Variants in STRA6 observed in about 807,000 individuals in gnomAD.
The protein encoded by STRA6 is receptor for retinol uptake STRA6.
In STRA6, 48 loss-of-function variants were observed where a neutral mutation model predicts 83.6. The ratio of observed to expected loss-of-function variants is 0.57; its 90% CI spans 0.46 to 0.73. The LOEUF (loss-of-function observed/expected upper bound fraction) is 0.73, where lower values mean the gene tolerates loss of function less well. Among genes scored for constraint, STRA6 ranks in the 30% least tolerant of loss-of-function variants. STRA6 has a pLI of 0.00. For synonymous variants in STRA6, 353 were observed against 362.3 expected (o/e 0.97, Z 0.29); for missense variants, 760 against 838.8 (o/e 0.91, Z 1.16).
In STRA6 at chr15:74,196,952, A is replaced by G. The variant is rs764851793; in HGVS notation, c.266+386T>C. Among the ~76,000 whole-genome samples, 8 of 152,174 alleles carry G rather than the reference A, an allele frequency of 5.3e-5. No homozygotes were observed. In the South Asian group the frequency reaches 1.0e-3, roughly 20 times the overall value. ...AGGGGCTAGATGTCAGTCCCCATAA[A>G]TCTGCCTTCAAGCATTAGGGTCCAG... On this transcript the variant is annotated intron_variant, in intron 4 of 18. Coordinates refer to ENST00000395105, the MANE Select transcript of STRA6 (RefSeq NM_022369.4).
rs142998546 is a variant in STRA6, at chr15:74,185,450, C to T, written c.1091-395G>A. ...CCCATTTGCTCGTGAACATACCGCA[C>T]GCCGTTATGCTGCCCAGCTCTCAGG... On this transcript the variant is annotated intron_variant, in intron 12 of 18. Coordinates refer to ENST00000395105, the MANE Select transcript of STRA6 (RefSeq NM_022369.4). 3.2e-3 allele frequency among the ~76,000 whole-genome samples: 494 copies of T among 152,356 alleles called. 3 individuals carry two copies. Among genetic ancestry groups the T allele is most frequent in the African/African-American group, 0.011 (464 of 41,574 alleles).
chr15:74,203,950 AC>A (rs536988225), upstream of STRA6, among the ~76,000 whole-genome samples: 13 of 152,318 alleles, frequency 8.5e-5, no homozygotes, highest in South Asian at 2.7e-3. Flanking sequence ...AGGAAACAGC[AC>A]GGGTGAAGTC....
At position 74,202,300 on chromosome 15, in the gene STRA6, A is replaced by G; in HGVS notation, c.-15-18T>C. ...CCCTTCTCCTTTGACCCCAGGCGAG[A>G]GAAAAAAAAAGCCACTACAGATGTG... On this transcript the variant is annotated intron_variant, in intron 1 of 18. Transcript: ENST00000395105. The G allele has an allele frequency of 6.4e-7, 1 of 1,561,812 alleles. No individual in the cohort carries two copies.
In STRA6 at chr15:74,188,738, C is replaced by T. The variant is rs1201882305; in HGVS notation, c.1090+377G>A. Among the ~76,000 whole-genome samples the T allele has an allele frequency of 9.2e-5, 14 of 152,102 alleles. No homozygotes were observed. The highest frequency in any genetic ancestry group is 5.2e-4 in the Admixed American group (8 of 15,272). On this transcript the variant is annotated intron_variant, in intron 12 of 18. Transcript: ENST00000395105. The surrounding 1 kb of genome is among the most constrained non-coding windows in gnomAD (Gnocchi z 4.5). ...CCTGCCCAACGCCAGACCCCTGCCA[C>T]GAGGATTCGCTCAGAAATCCTCACC...
intron 3 of STRA6, 95 bp downstream of exon 3, chr15:74,197,657 A>C (rs1425859231): frequency 6.7e-7 from 1 of 1,490,506 alleles, no homozygotes; most frequent in Non-Finnish European, 9.2e-7. Context: ...AGGATCTTCC[A>C]GGGCCCCCCT....
upstream of STRA6, chr15:74,209,803 C>G (rs2074342931): frequency 4.5e-6 from 1 of 221,328 alleles, no homozygotes; most frequent in Non-Finnish European, 8.8e-6. Context: ...GGTGCTCCAC[C>G]TAGGTGCTGT....
At chr15:74,200,657 T>C (rs996973017) in intron 2 of STRA6, among the ~76,000 whole-genome samples, 1 of 152,164 alleles carries the variant, frequency 6.6e-6, no homozygotes, top group Non-Finnish European at 1.5e-5. Context: ...AATTTTCTGC[T>C]CCCACTTTGA....
In STRA6 at chr15:74,181,422, G is replaced by C; in HGVS notation, c.1557C>G (p.Pro519=). ...CCATGGCACCCACCAGCACATTGAG[G>C]GGGAAGAGAAGAAAGGTGGCTGCAT... The part of the protein sequence containing the change: ...VLYAATFLLF[P]LNVLVGAMVA... Residue 519 remains proline, a synonymous_variant, in exon 17 of 19, where the codon CCC becomes CCG. Coordinates refer to ENST00000395105, the MANE Select transcript of STRA6 (RefSeq NM_022369.4). 6.2e-7 allele frequency: 1 copy of C among 1,613,612 alleles called. No homozygotes were observed. The highest frequency in any genetic ancestry group is 8.5e-7 in the Non-Finnish European group (1 of 1,179,738).
Position 74,194,895 on chromosome 15 carries a change from C to T in STRA6, c.597+407G>A. 5.0e-6 allele frequency: 7 copies of T among 1,396,848 alleles called. No individual in the cohort carries two copies. The South Asian group carries it at 1.3e-4, about 25-fold the overall frequency. The allele number at this position is 1,396,848 out of a possible 1,614,324, so 86.5% of individuals were successfully genotyped here. A position where few individuals can be genotyped will look rare whatever the true frequency, so the allele number is the denominator to read the frequency against. On this transcript the variant is annotated intron_variant, in intron 7 of 18. Coordinates refer to ENST00000395105, the MANE Select transcript of STRA6 (RefSeq NM_022369.4). ...GGTCCTGAGGTTCCGGAATTCTCCT[C>T]TCAGCCCTCTTAGACCATCCCTGAC...
At chr15:74,184,817 C>T (rs915388622) in intron 13 of STRA6, among the ~76,000 whole-genome samples, 163 bp downstream of exon 13, 1 of 152,250 alleles carries the variant, frequency 6.6e-6, no homozygotes, top group African/African-American at 2.4e-5. Context: ...GGACCCAGCC[C>T]CACCTTCTCC....
Position 74,196,093 on chromosome 15 carries a change from G to A in STRA6, c.321C>T (p.Phe107=). The part of the protein sequence containing the change: ...DRPRAVPAAV[F]MVLLSSLCLL... ...AACACAGGGAGCTCAGGAGGACCAT[G>A]AAAACAGCAGCAGGCACTGCCCGGG... is the stretch of plus-strand genomic sequence containing the variant. Residue 107 remains phenylalanine (F), a synonymous_variant, in exon 5 of 19, where the codon TTC becomes TTT. Transcript: ENST00000395105. The A allele has an allele frequency of 6.2e-7, 1 of 1,614,036 alleles. No homozygotes were observed. Among genetic ancestry groups the A allele is most frequent in the Non-Finnish European group, 8.5e-7 (1 of 1,180,012 alleles).
chr15:74,191,156 C>A lies in STRA6; in HGVS notation c.865+11G>T, dbSNP rs1310881075. ...CCCTGTCACGCTCGGCCTCAGCTCC[C>A]AACCCCATACCTGGCTGTGGAGTGT... On this transcript the variant is annotated intron_variant, in intron 10 of 18. Coordinates refer to ENST00000395105, the MANE Select transcript of STRA6 (RefSeq NM_022369.4). 1 of 1,613,738 alleles carries A rather than the reference C, an allele frequency of 6.2e-7. No individual in the cohort carries two copies. Among genetic ancestry groups the A allele is most frequent in the African/African-American group, 1.3e-5 (1 of 74,898 alleles).
chr15:74,206,290 C>T (rs1034056779), upstream of STRA6, among the ~76,000 whole-genome samples: 1 of 152,170 alleles, frequency 6.6e-6, no homozygotes, highest in African/African-American at 2.4e-5. Context: ...CCATGGATAG[C>T]GGGTGGCCGC....
At chr15:74,195,264 G>T in intron 7 of STRA6, 38 bp downstream of exon 7, 1 of 1,606,526 alleles carries the variant, frequency 6.2e-7, no homozygotes, top group Non-Finnish European at 8.5e-7. Flanking sequence ...GTTGCTCTGT[G>T]CGCCCCTCTG....
rs572877342 is a variant in STRA6 at position 74,201,471 on chromosome 15, G to A, written c.113+684C>T. ...AGAAGGGGCCCAGCTCCTCCACCAGGGTGCCCAGACTAAACCCCGGTAGAA... is the reference window on the plus strand; with the variant it reads ...AGAAGGGGCCCAGCTCCTCCACCAGAGTGCCCAGACTAAACCCCGGTAGAA... On this transcript the variant is annotated intron_variant, in intron 2 of 18. Transcript: ENST00000395105. Among the ~76,000 whole-genome samples the A allele has an allele frequency of 1.4e-3, 220 of 152,238 alleles. 1 individual carries two copies. Among genetic ancestry groups the A allele is most frequent in the African/African-American group, 5.2e-3 (215 of 41,530 alleles).
At chr15:74,181,971 G>C (rs991662302) in intron 16 of STRA6, among the ~76,000 whole-genome samples, 190 bp downstream of exon 16, 2 of 152,230 alleles carry the variant, frequency 1.3e-5, no homozygotes, top group African/African-American at 4.8e-5. Context: ...CGGGTATGTA[G>C]AGAGGTACTT....
intron 9 of STRA6, 63 bp downstream of exon 9, chr15:74,191,361 C>T: frequency 6.2e-7 from 1 of 1,608,624 alleles, no homozygotes; most frequent in Non-Finnish European, 8.5e-7. Context: ...GTGCCAGCTT[C>T]CCAAGCACGG....
upstream of STRA6, among the ~76,000 whole-genome samples, chr15:74,204,445 A>C (rs2074209920): frequency 6.6e-6 from 1 of 152,228 alleles, no homozygotes; most frequent in Non-Finnish European, 1.5e-5. Flanking sequence ...TGGGCTTCCC[A>C]GAGTCCCCGT....
Position 74,184,966 on chromosome 15 carries a change from A to G in STRA6, c.1166+14T>C. On this transcript the variant is annotated intron_variant, in intron 13 of 18. Coordinates refer to ENST00000395105, the MANE Select transcript of STRA6 (RefSeq NM_022369.4). ...CCCACCTCGGCGCTGGGTGAGCCAGAGTCTGTCACTCACCTGTGTGTCACC... is the reference window on the plus strand; with the variant it reads ...CCCACCTCGGCGCTGGGTGAGCCAGGGTCTGTCACTCACCTGTGTGTCACC... 6.2e-7 allele frequency: 1 copy of G among 1,613,396 alleles called. No individual in the cohort carries two copies. The highest frequency in any genetic ancestry group is 8.5e-7 in the Non-Finnish European group (1 of 1,179,672).
Sources: allele counts gnomAD v4.1 joint callset (sites outside exome capture counted in the v4.1 genomes callset), GRCh38; gene constraint gnomAD v4.1.1; non-coding constraint Gnocchi (gnomAD v3.1); transcripts MANE v1.5; gene names NCBI Gene and HGNC (gene_info 2026-07-23, HGNC 2026-07-21).